Variants in THSD4 observed in about 807,000 individuals in gnomAD.
The protein encoded by THSD4 is thrombospondin type 1 domain containing 4.
In THSD4, 69 loss-of-function variants were observed where a neutral mutation model predicts 119.0. The ratio of observed to expected loss-of-function variants is 0.58; its 90% confidence interval spans 0.48 to 0.71. The LOEUF is 0.71. THSD4 is among the 30% of genes least tolerant of loss of function. The probability of loss-of-function intolerance (pLI) is 0.00; values close to 1 mark genes in which losing one functional copy is unlikely to be tolerated. For missense variants in THSD4, 1,393 were observed against 1,391.1 expected (o/e 1.00, Z -0.02); for synonymous variants, 524 against 540.4 (o/e 0.97, Z 0.42).
Position 71,215,213 on chromosome 15 carries a change from C to G in THSD4, c.278C>G (p.Pro93Arg). 1 of 1,375,320 alleles carries G rather than the reference C, an allele frequency of 7.3e-7. No homozygotes were observed. The highest frequency in any genetic ancestry group is 9.3e-7 in the Non-Finnish European group (1 of 1,069,630). The allele number at this position is 1,375,320 out of a possible 1,614,324, so 85.2% of individuals were successfully genotyped here. ...TACCGCCTGCGCGGCGGCCAGCGGC[C>G]TGGCGCCCCTGCGCGCGCCTTCGCG... ...RSYRLRGGQR[P>R]GAPARAFADH... The change falls in exon 4 of 18, where the codon CCT becomes CGT. Residue 93 changes from proline to arginine, a missense_variant. Coordinates refer to ENST00000261862, the MANE Select transcript of THSD4 (RefSeq NM_024817.3).
Position 71,477,123 on chromosome 15 carries a change from C to T in THSD4, c.1152+65300C>T, listed in dbSNP as rs1375169066. ...GTTCCTGATTTACAAAAGAACATTT[C>T]AGAAACCAGAGCTACAACATCAAGG... On this transcript the variant is annotated intron_variant, in intron 7 of 17. Coordinates refer to ENST00000261862, the MANE Select transcript of THSD4 (RefSeq NM_024817.3). 3.3e-5 allele frequency among the ~76,000 whole-genome samples: 5 copies of T among 152,306 alleles called. No homozygotes were observed. In the East Asian group the frequency reaches 5.8e-4, roughly 18 times the overall value.
intron 7 of THSD4, among the ~76,000 whole-genome samples, chr15:71,474,429 G>A (rs1303037551): frequency 1.3e-5 from 2 of 151,854 alleles, no homozygotes; most frequent in East Asian, 3.9e-4. Context: ...CACCATCTTG[G>A]CCAGGCTGGT....
chr15:71,351,198 C>T (rs772066095), intron 6 of THSD4, among the ~76,000 whole-genome samples: 2 of 152,102 alleles, frequency 1.3e-5, no homozygotes, highest in African/African-American at 2.4e-5. Flanking sequence ...AATCACAGGC[C>T]ATGAGCACTG....
In THSD4 at chr15:71,655,899, G is replaced by A. The variant is rs184848688; in HGVS notation, c.1153-4631G>A. 2.8e-3 allele frequency among the ~76,000 whole-genome samples: 424 copies of A among 152,282 alleles called. 3 individuals are homozygous for A. The highest frequency in any genetic ancestry group is 9.8e-3 in the African/African-American group (408 of 41,536). On this transcript the variant is annotated intron_variant, in intron 7 of 17. Coordinates refer to ENST00000261862, the MANE Select transcript of THSD4 (RefSeq NM_024817.3). The stretch of plus-strand genomic sequence containing the variant: ...TGTCCTTGGGAAGAAGATCTGGATG[G>A]TGGTGGAAATGTTTTCAGCACCTAC...
intron 7 of THSD4, among the ~76,000 whole-genome samples, chr15:71,488,205 T>A (rs1169689173): frequency 6.6e-6 from 1 of 152,200 alleles, no homozygotes; most frequent in Non-Finnish European, 1.5e-5. Flanking sequence ...CAAGAATAGA[T>A]GTTGAATTAT....
At chr15:71,393,570 C>T (rs779448222) in intron 6 of THSD4, among the ~76,000 whole-genome samples, 28 of 152,076 alleles carry the variant, frequency 1.8e-4, no homozygotes, top group Non-Finnish European at 3.4e-4. Flanking sequence ...TGTGTTTGTG[C>T]GTGAGCAGAT....
intron 7 of THSD4, among the ~76,000 whole-genome samples, chr15:71,597,656 G>A (rs1016516811): frequency 1.3e-5 from 2 of 152,188 alleles, no homozygotes; most frequent in Non-Finnish European, 2.9e-5. Context: ...ACCTAGTTCT[G>A]ATGACTTAGT....
At chr15:71,630,921 G>A (rs556338965) in intron 7 of THSD4, among the ~76,000 whole-genome samples, 1 of 152,188 alleles carries the variant, frequency 6.6e-6, no homozygotes, top group Non-Finnish European at 1.5e-5. Context: ...TGCGGTGGGG[G>A]CTGTCCTGTG....
chr15:71,427,241 A>ACACTGGGCAAGCCACTGGGCAAGG (rs2046882865), intron 7 of THSD4, among the ~76,000 whole-genome samples: 1 of 149,600 alleles, frequency 6.7e-6, no homozygotes, highest in Non-Finnish European at 1.5e-5. Context: ...TCACTGCCAT[A>ACACTGGGCAAGCCACTGGGCAAGG]CACTGGGCAA....
At chr15:71,442,857 A>C (rs188419650) in intron 7 of THSD4, among the ~76,000 whole-genome samples, 1 of 150,474 alleles carries the variant, frequency 6.6e-6, no homozygotes. Context: ...TTGGTAGAGC[A>C]ATCTCTGATT....
chr15:71,406,833 C>T (rs1393721365), intron 6 of THSD4, among the ~76,000 whole-genome samples: 1 of 151,968 alleles, frequency 6.6e-6, no homozygotes, highest in African/African-American at 2.4e-5. Flanking sequence ...GCACATGCCA[C>T]CAAGCCCGGC....
At chr15:71,107,281 CA>C (rs1489092014) in intron 1 of THSD4, among the ~76,000 whole-genome samples, 1 of 151,466 alleles carries the variant, frequency 6.6e-6, no homozygotes, top group Non-Finnish European at 1.5e-5. Context: ...CAAAAAGAAA[CA>C]ATGTGTTCCT....
chr15:71,203,445 A>G (rs1567156231), intron 3 of THSD4, among the ~76,000 whole-genome samples: 1 of 152,126 alleles, frequency 6.6e-6, no homozygotes, highest in Non-Finnish European at 1.5e-5. Context: ...ACTTGAGGTC[A>G]GGAGTTCAAG....
In THSD4 at chr15:71,705,520, G is replaced by C. The variant is rs180729354; in HGVS notation, c.1358-23029G>C. On this transcript the variant is annotated intron_variant, in intron 8 of 17. Transcript: ENST00000261862. ...AGTTCCATCATCTCCTTGCATATCT[G>C]GTCAGATGTTGCTGTCCTGGAGGTG... Among the ~76,000 whole-genome samples the C allele has an allele frequency of 6.7e-3, 1,018 of 152,200 alleles. 6 individuals are homozygous for C. Among genetic ancestry groups the C allele is most frequent in the African/African-American group, 0.022 (931 of 41,536 alleles).
intron 7 of THSD4, among the ~76,000 whole-genome samples, chr15:71,603,844 G>A (rs1054508331): frequency 1.3e-5 from 2 of 152,208 alleles, no homozygotes; most frequent in African/African-American, 4.8e-5. Flanking sequence ...GGGTGGGTTA[G>A]GCTGAAGAGA....
intron 4 of THSD4, among the ~76,000 whole-genome samples, chr15:71,221,464 G>A (rs1427227821): frequency 6.6e-6 from 1 of 152,050 alleles, no homozygotes; most frequent in Non-Finnish European, 1.5e-5. Context: ...GCAGCCCTTA[G>A]CCAACCACCA....
chr15:71,320,504 G>T (rs2045251630), intron 6 of THSD4, among the ~76,000 whole-genome samples: 1 of 152,096 alleles, frequency 6.6e-6, no homozygotes, highest in African/African-American at 2.4e-5. Flanking sequence ...ATGTTACTAA[G>T]ATTTAAAATA....
intron 4 of THSD4, among the ~76,000 whole-genome samples, chr15:71,226,620 T>C (rs916053768): frequency 2.6e-5 from 4 of 152,192 alleles, no homozygotes; most frequent in Non-Finnish European, 5.9e-5. Context: ...GTTTCTTTCC[T>C]GGGGGCCCCT....
At chr15:71,346,757 G>A (rs74772182) in intron 6 of THSD4, among the ~76,000 whole-genome samples, 1,562 of 151,520 alleles carry the variant, frequency 0.01, 35 homozygotes, top group African/African-American at 0.036. Context: ...TCTTATGTAT[G>A]TAAGCACATA....
Sources: gnomAD v4.1 joint callset for allele counts (sites outside exome capture counted in the v4.1 genomes callset) on GRCh38, gnomAD v4.1.1 for gene constraint, MANE v1.5 for transcripts, NCBI Gene and HGNC (gene_info 2026-07-23, HGNC 2026-07-21) for gene names.